RAD51: variants seen among roughly 807,000 people sequenced by gnomAD.
RAD51 encodes the protein RAD51 recombinase.
A neutral mutation model predicts 41.5 loss-of-function variants in RAD51; 14 were observed. The observed-to-expected ratio is 0.34, with a 90% CI of 0.22 to 0.53. RAD51 has a LOEUF of 0.53. RAD51 is among the 20% of genes least tolerant of loss of function. The probability of loss-of-function intolerance (pLI) is 0.95; values close to 1 mark genes in which losing one functional copy is unlikely to be tolerated. For synonymous variants in RAD51, 136 were observed against 148.6 expected (o/e 0.92, Z 0.62); for missense variants, 234 against 422.0 (o/e 0.55, Z 3.90).
At chr15:40,715,322 T>C (rs1252120790) in intron 5 of RAD51, among the ~76,000 whole-genome samples, 2 of 151,966 alleles carry the variant, frequency 1.3e-5, no homozygotes, top group Non-Finnish European at 2.9e-5. Flanking sequence ...GCCACTGCAC[T>C]CCAGCCTGGG....
intron 5 of RAD51, among the ~76,000 whole-genome samples, chr15:40,712,174 T>C (rs1895737953): frequency 6.6e-6 from 1 of 151,978 alleles, no homozygotes; most frequent in Non-Finnish European, 1.5e-5. Flanking sequence ...GAAACTAAGA[T>C]AGTGACAATA....
chr15:40,728,473 G>T (rs1388943655), intron 6 of RAD51, among the ~76,000 whole-genome samples: 1 of 151,864 alleles, frequency 6.6e-6, no homozygotes, highest in Admixed American at 6.6e-5. Flanking sequence ...AAAAAGAATG[G>T]ATTTGATTTA....
intron 4 of RAD51, among the ~76,000 whole-genome samples, chr15:40,708,298 G>T (rs553108645): frequency 6.9e-6 from 1 of 145,640 alleles, no homozygotes; most frequent in South Asian, 2.2e-4. Flanking sequence ...GCGTGATCTC[G>T]GCTTGCTGCA....
At chr15:40,702,362 A>T (rs1291445686) in intron 3 of RAD51, among the ~76,000 whole-genome samples, 1 of 152,200 alleles carries the variant, frequency 6.6e-6, no homozygotes. Context: ...TTGGTTTCAG[A>T]AATCAAGTCA....
At chr15:40,705,761 C>T (rs750866122) in intron 3 of RAD51, among the ~76,000 whole-genome samples, 9 of 152,096 alleles carry the variant, frequency 5.9e-5, no homozygotes, top group Non-Finnish European at 8.8e-5. Flanking sequence ...CCCGCCACCA[C>T]GCCCGACTAA....
Position 40,726,228 on chromosome 15 carries a change from G to C in RAD51, c.531-2483G>C, listed in dbSNP as rs547469743. ...TGATAATTGTAATTCATTGAGTCTA[G>C]GTTAGGCCCAGGAATTTTTTTTTTT... is the stretch of plus-strand genomic sequence containing the variant. On this transcript the variant is annotated intron_variant, in intron 6 of 9. Transcript: ENST00000267868. Among the ~76,000 whole-genome samples the C allele has an allele frequency of 4.8e-5, 7 of 145,916 alleles. No homozygotes were observed. The South Asian group carries it at 1.5e-3, about 32-fold the overall frequency.
intron 3 of RAD51, 94 bp downstream of exon 3, chr15:40,701,295 C>T (rs981584590): frequency 1.0e-5 from 14 of 1,377,936 alleles, no homozygotes; most frequent in African/African-American, 1.4e-5. Context: ...TCTTATTCTT[C>T]GGTCATCTCA....
chr15:40,696,288 A>G (rs1444858155), intron 1 of RAD51, among the ~76,000 whole-genome samples: 1 of 152,198 alleles, frequency 6.6e-6, no homozygotes, highest in African/African-American at 2.4e-5. Flanking sequence ...ATTACAAAAT[A>G]TACTGGCCGG....
chr15:40,728,389 G>A (rs1230534967), intron 6 of RAD51, among the ~76,000 whole-genome samples: 1 of 152,010 alleles, frequency 6.6e-6, no homozygotes, highest in South Asian at 2.1e-4. Context: ...CCCAGGAGGT[G>A]GAGGTTGCAA....
chr15:40,709,022 T>G lies in RAD51; in HGVS notation c.344-3T>G. The stretch of plus-strand genomic sequence containing the variant: ...TAAGAGTTATTTCTTATCGCTTTTT[T>G]AGGTGGAATTGAGACTGGATCTATC... On this transcript the variant is annotated splice_polypyrimidine_tract_variant and splice_region_variant and intron_variant, in intron 4 of 9. Transcript: ENST00000267868. The G allele has an allele frequency of 6.2e-7, 1 of 1,611,844 alleles. No homozygotes were observed. The highest frequency in any genetic ancestry group is 1.1e-5 in the South Asian group (1 of 91,042).
chr15:40,698,482 C>T lies in RAD51; in HGVS notation c.-2-275C>T, dbSNP rs545432570. Among the ~76,000 whole-genome samples the T allele has an allele frequency of 9.2e-5, 14 of 152,164 alleles. No individual in the cohort carries two copies. The South Asian group carries it at 2.1e-3, about 23-fold the overall frequency. Reference sequence around the variant, plus strand: ...ATCACAGGCATGAGCCACCGCGCCCCGCCAAGATCAACTTTTTTAGATTCT... The same window carrying T: ...ATCACAGGCATGAGCCACCGCGCCCTGCCAAGATCAACTTTTTTAGATTCT... On this transcript the variant is annotated intron_variant, in intron 1 of 9. Coordinates refer to ENST00000267868, the MANE Select transcript of RAD51 (RefSeq NM_002875.5).
intron 6 of RAD51, among the ~76,000 whole-genome samples, chr15:40,725,015 T>C (rs1896508137): frequency 6.7e-6 from 1 of 150,276 alleles, no homozygotes; most frequent in African/African-American, 2.5e-5. Context: ...TTCTCCTGCC[T>C]CAGCCTCCCC....
chr15:40,710,277 GAA>G (rs1303638080), intron 5 of RAD51, among the ~76,000 whole-genome samples: 1 of 88,968 alleles, frequency 1.1e-5, no homozygotes, highest in South Asian at 3.6e-4. Context: ...AAAAGAAGAA[GAA>G]AAAAAAAAGA....
intron 5 of RAD51, among the ~76,000 whole-genome samples, chr15:40,715,666 G>T (rs1219351971): frequency 6.6e-6 from 1 of 152,204 alleles, no homozygotes; most frequent in Non-Finnish European, 1.5e-5. Flanking sequence ...AACAGAGCAT[G>T]CAATCCATCC....
At chr15:40,697,708 G>A (rs1417160147) in intron 1 of RAD51, among the ~76,000 whole-genome samples, 2 of 148,200 alleles carry the variant, frequency 1.3e-5, no homozygotes, top group South Asian at 2.1e-4. Flanking sequence ...CTGCCACCAC[G>A]CCCAGCTAAT....
intron 4 of RAD51, 62 bp downstream of exon 4, chr15:40,706,356 C>A: frequency 7.7e-7 from 1 of 1,297,594 alleles, no homozygotes; most frequent in Non-Finnish European, 1.1e-6. Flanking sequence ...GGTTATAAAA[C>A]AAAACTGAAA....
At chr15:40,704,245 T>C (rs960768459) in intron 3 of RAD51, among the ~76,000 whole-genome samples, 2 of 151,684 alleles carry the variant, frequency 1.3e-5, no homozygotes, top group East Asian at 3.9e-4. Flanking sequence ...AGCTAATTTT[T>C]AGTAGAGACA....
intron 5 of RAD51, among the ~76,000 whole-genome samples, chr15:40,716,657 C>CG (rs1231100141): frequency 1.1e-5 from 1 of 88,152 alleles, no homozygotes; most frequent in Non-Finnish European, 2.1e-5. Flanking sequence ...CTCTCTACTT[C>CG]TTTTTTTTTT....
At chr15:40,696,556 A>C (rs999089600) in intron 1 of RAD51, among the ~76,000 whole-genome samples, 2 of 152,212 alleles carry the variant, frequency 1.3e-5, no homozygotes, top group Non-Finnish European at 2.9e-5. Context: ...GCGATAGAGC[A>C]AGACAAAATG....
Sources: gnomAD v4.1 joint callset for allele counts (sites outside exome capture counted in the v4.1 genomes callset) on GRCh38, gnomAD v4.1.1 for gene constraint, MANE v1.5 for transcripts, NCBI Gene and HGNC (gene_info 2026-07-23, HGNC 2026-07-21) for gene names.